Variants in GRID2 observed in about 807,000 individuals in gnomAD.
GRID2 encodes the protein glutamate ionotropic receptor delta type subunit 2.
GRID2 carries 33 observed loss-of-function variants against 114.8 expected under a neutral mutation model. The observed-to-expected ratio is 0.29, with a 90% CI of 0.22 to 0.38. The LOEUF is 0.38. GRID2 is among the 10% of genes least tolerant of loss of function. GRID2 has a pLI of 1.00. For synonymous variants in GRID2, 505 were observed against 449.9 expected (o/e 1.12, Z -1.55); for missense variants, 1,184 against 1,257.7 (o/e 0.94, Z 0.89).
At chr4:93,591,186 G>A (rs1183828998) in intron 13 of GRID2, among the ~76,000 whole-genome samples, 2 of 149,826 alleles carry the variant, frequency 1.3e-5, no homozygotes, top group Admixed American at 1.3e-4. Flanking sequence ...GATATTGGCT[G>A]TGGGTTTGTC....
At chr4:93,564,091 C>T (rs927351565) in intron 13 of GRID2, among the ~76,000 whole-genome samples, 1 of 151,842 alleles carries the variant, frequency 6.6e-6, no homozygotes, top group Non-Finnish European at 1.5e-5. Context: ...CTCCTCAGTA[C>T]TATCCTTTCA....
chr4:92,338,405 A>T (rs1727297504), intron 1 of GRID2, among the ~76,000 whole-genome samples: 1 of 152,154 alleles, frequency 6.6e-6, no homozygotes, highest in South Asian at 2.1e-4. Context: ...GGTTACTTTT[A>T]AAGGTCTAAA....
chr4:92,704,725 C>CTCTCTCTCTCTT (rs1734865984), intron 2 of GRID2, among the ~76,000 whole-genome samples: 2 of 133,186 alleles, frequency 1.5e-5, no homozygotes, highest in East Asian at 4.7e-4. Context: ...CTCTCTCTTT[C>CTCTCTCTCTCTT]TCTCTCTCTC....
At chr4:93,442,537 T>C (rs916481865) in intron 10 of GRID2, among the ~76,000 whole-genome samples, 1 of 152,010 alleles carries the variant, frequency 6.6e-6, no homozygotes, top group Non-Finnish European at 1.5e-5. Flanking sequence ...TTTTGGAGAA[T>C]ACATAAAGTA....
rs563332943 is a variant in GRID2 at position 93,026,329 on chromosome 4, T to A, written c.245-58666T>A. Among the ~76,000 whole-genome samples the A allele has an allele frequency of 5.9e-5, 9 of 151,978 alleles. No individual in the cohort carries two copies. The South Asian group carries it at 1.9e-3, about 31-fold the overall frequency. On this transcript the variant is annotated intron_variant, in intron 2 of 15. Transcript: ENST00000282020. ...ATAGGGCATATTTGGCCTCACACAA[T>A]ACTCTTAGCATAGAGAAACCTATGC... is the stretch of plus-strand genomic sequence containing the variant.
intron 1 of GRID2, among the ~76,000 whole-genome samples, chr4:92,397,188 G>A (rs1318520242): frequency 6.6e-6 from 1 of 151,474 alleles, no homozygotes. Context: ...AATTTGAGAA[G>A]GATAATTTAT....
chr4:93,802,311 G>A (rs1025830402), intron 1 of GRID2, among the ~76,000 whole-genome samples: 1 of 152,076 alleles, frequency 6.6e-6, no homozygotes, highest in Non-Finnish European at 1.5e-5. Context: ...TTCTGTGAGG[G>A]GAGCGTCAAA....
intron 1 of GRID2, among the ~76,000 whole-genome samples, chr4:92,461,851 T>A (rs115252573): frequency 1.4e-3 from 210 of 152,124 alleles, no homozygotes; most frequent in African/African-American, 4.8e-3. Flanking sequence ...AATGCATAAG[T>A]AGTTTTCCTA....
chr4:92,414,410 T>G (rs1200887115), intron 1 of GRID2, among the ~76,000 whole-genome samples: 1 of 152,150 alleles, frequency 6.6e-6, no homozygotes, highest in African/African-American at 2.4e-5. Context: ...GAATACATGG[T>G]GATATTAATG....
chr4:92,744,218 G>C (rs1437657254), intron 2 of GRID2, among the ~76,000 whole-genome samples: 1 of 152,098 alleles, frequency 6.6e-6, no homozygotes, highest in Non-Finnish European at 1.5e-5. Flanking sequence ...GAGGGGCCAG[G>C]CACGGTGGCT....
chr4:93,336,256 C>T (rs577033623), intron 8 of GRID2, among the ~76,000 whole-genome samples: 4 of 152,108 alleles, frequency 2.6e-5, no homozygotes, highest in African/African-American at 9.6e-5. Context: ...CAAATTTATA[C>T]CATTATTATA....
intron 2 of GRID2, among the ~76,000 whole-genome samples, chr4:92,880,087 G>A (rs1417603672): frequency 6.6e-6 from 1 of 152,176 alleles, no homozygotes; most frequent in Non-Finnish European, 1.5e-5. Context: ...ATTCTAGGAT[G>A]CAAACAGGAA....
chr4:92,763,997 G>A (rs1426835963), intron 2 of GRID2, among the ~76,000 whole-genome samples: 1 of 152,134 alleles, frequency 6.6e-6, no homozygotes, highest in African/African-American at 2.4e-5. Context: ...AACGTTAAAG[G>A]CAGGAAGTCC....
intron 2 of GRID2, among the ~76,000 whole-genome samples, chr4:92,944,035 A>G (rs1041721513): frequency 6.6e-6 from 1 of 152,118 alleles, no homozygotes. Flanking sequence ...GGGGTCAGGG[A>G]CCCACTTGAG....
intron 8 of GRID2, among the ~76,000 whole-genome samples, chr4:93,337,789 T>C (rs1449645299): frequency 6.6e-6 from 1 of 152,222 alleles, no homozygotes; most frequent in African/African-American, 2.4e-5. Flanking sequence ...AAACGTTTGC[T>C]TTACATTGAA....
chr4:92,532,267 T>C (rs1725392866), intron 1 of GRID2, among the ~76,000 whole-genome samples: 1 of 152,160 alleles, frequency 6.6e-6, no homozygotes, highest in South Asian at 2.1e-4. Context: ...TCACAGTTTG[T>C]GTTGTAATAT....
intron 1 of GRID2, among the ~76,000 whole-genome samples, chr4:92,363,102 A>G (rs1728692726): frequency 6.6e-6 from 1 of 152,074 alleles, no homozygotes; most frequent in Admixed American, 6.6e-5. Context: ...CTTACTACTC[A>G]GAGTATGGCC....
intron 1 of GRID2, among the ~76,000 whole-genome samples, chr4:92,580,053 AC>A (rs1383994689): frequency 1.3e-5 from 2 of 148,274 alleles, no homozygotes; most frequent in African/African-American, 4.9e-5. Flanking sequence ...CTACATATAT[AC>A]ATATAAATAT....
At chr4:92,490,195 A>G (rs1225000918) in intron 1 of GRID2, among the ~76,000 whole-genome samples, 1 of 152,212 alleles carries the variant, frequency 6.6e-6, no homozygotes, top group Non-Finnish European at 1.5e-5. Context: ...GTTAAAATTA[A>G]TAAGATAGCA....
Sources: allele counts gnomAD v4.1 joint callset (sites outside exome capture counted in the v4.1 genomes callset), GRCh38; gene constraint gnomAD v4.1.1; transcripts MANE v1.5; gene names NCBI Gene and HGNC (gene_info 2026-07-23, HGNC 2026-07-21).